SLC8B1: variants seen among roughly 807,000 people sequenced by gnomAD.
The protein encoded by SLC8B1 is mitochondrial sodium/calcium exchanger protein.
SLC8B1 carries 52 observed loss-of-function variants against 63.4 expected under a neutral mutation model. That is an observed-to-expected ratio of 0.82 (90% confidence interval 0.66 to 1.03). The LOEUF (loss-of-function observed/expected upper bound fraction) is 1.03. SLC8B1 is among the 50% of genes least tolerant of loss of function. The pLI is 0.00. For missense variants in SLC8B1, 657 were observed against 741.7 expected (o/e 0.89, Z 1.33); for synonymous variants, 336 against 323.9 (o/e 1.04, Z -0.40).
intron 2 of SLC8B1, among the ~76,000 whole-genome samples, chr12:113,324,320 C>A (rs2384141): frequency 0.23 from 32,316 of 141,858 alleles, 4,490 homozygotes; most frequent in African/African-American, 0.41. Flanking sequence ...CAAAAAAAAA[C>A]AAACAAACAA....
chr12:113,309,969 A>C (rs895658768), intron 12 of SLC8B1, among the ~76,000 whole-genome samples: 14 of 152,128 alleles, frequency 9.2e-5, no homozygotes, highest in African/African-American at 3.4e-4. Flanking sequence ...ACTATAATAA[A>C]AAACATTAAA....
chr12:113,327,024 G>T (rs892131836), intron 2 of SLC8B1, among the ~76,000 whole-genome samples: 1 of 152,140 alleles, frequency 6.6e-6, no homozygotes, highest in Non-Finnish European at 1.5e-5. Flanking sequence ...CAACAGTCAG[G>T]CTGGGCTCCT....
chr12:113,299,545 C>T lies in SLC8B1; in HGVS notation c.*232G>A. 1.8e-6 allele frequency: 1 copy of T among 541,692 alleles called. No individual in the cohort carries two copies. The highest frequency in any genetic ancestry group is 2.0e-5 in the South Asian group (1 of 49,520). 33.6% of individuals were successfully genotyped at this position (541,692 alleles called of 1,614,324 possible). A position where few individuals can be genotyped will look rare whatever the true frequency, so the allele number is the denominator to read the frequency against. On this transcript the variant is annotated 3_prime_UTR_variant, in exon 16 of 16. Transcript: ENST00000680972. ...CTAGCTTCTCTCTGGAACCCTTTGT[C>T]CAGAGCAAAGCCAGGTTTCCAAGGT...
chr12:113,310,210 T>C (rs1174739068), intron 12 of SLC8B1, 24 bp downstream of exon 12: 1 of 1,609,388 alleles, frequency 6.2e-7, no homozygotes, highest in African/African-American at 1.3e-5. Context: ...TCCCCCCCCA[T>C]CTCGGAGAAC....
chr12:113,312,452 T>C (rs1956777606), intron 11 of SLC8B1, among the ~76,000 whole-genome samples: 2 of 152,004 alleles, frequency 1.3e-5, no homozygotes, highest in African/African-American at 4.8e-5. Flanking sequence ...ATGGAGGTCT[T>C]TGAGTGGGGG....
chr12:113,320,784 C>A lies in SLC8B1; in HGVS notation c.420+66G>T. 6.3e-7 allele frequency: 1 copy of A among 1,576,602 alleles called. No individual in the cohort carries two copies. The highest frequency in any genetic ancestry group is 8.6e-7 in the Non-Finnish European group (1 of 1,160,714). ...CTTCCCCACACGGGGATAGACATGA[C>A]CCTATCTCCCAGCCTCCCCACAACT... On this transcript the variant is annotated intron_variant, in intron 5 of 15. Transcript: ENST00000680972. The surrounding 1 kb of genome is among the most constrained non-coding windows in gnomAD (Gnocchi z 5.3).
intron 2 of SLC8B1, among the ~76,000 whole-genome samples, chr12:113,323,947 C>A (rs981279841): frequency 1.3e-5 from 2 of 152,018 alleles, no homozygotes; most frequent in African/African-American, 4.8e-5. Context: ...AGACTGAAAC[C>A]CCCAGCCCTG....
At chr12:113,328,396 C>A (rs1957020991) in intron 2 of SLC8B1, among the ~76,000 whole-genome samples, 1 of 152,186 alleles carries the variant, frequency 6.6e-6, no homozygotes, top group East Asian at 1.9e-4. Context: ...GCACGGAGAA[C>A]AACTGCAGAG....
Position 113,299,611 on chromosome 12 carries a change from A to G in SLC8B1, c.*166T>C. ...GTTGGGTGCTGGCAGCAAGAGGTAC[A>G]CAGCAGTTCTCCCAGCTCACAGCAG... On this transcript the variant is annotated 3_prime_UTR_variant, in exon 16 of 16. Coordinates refer to ENST00000680972, the MANE Select transcript of SLC8B1 (RefSeq NM_001358345.2). 1 of 664,520 alleles carries G rather than the reference A, an allele frequency of 1.5e-6. No individual in the cohort carries two copies. The highest frequency in any genetic ancestry group is 1.8e-5 in the South Asian group (1 of 55,834). The allele number at this position is 664,520 out of a possible 1,614,324, so 41.2% of individuals were successfully genotyped here.
At chr12:113,300,889 A>G (rs1328369188) in intron 15 of SLC8B1, among the ~76,000 whole-genome samples, 2 of 152,216 alleles carry the variant, frequency 1.3e-5, no homozygotes, top group East Asian at 3.8e-4. Context: ...TAATCCCAAC[A>G]CTTTGGGAGG....
At chr12:113,316,078 G>A (rs1260006048) in intron 10 of SLC8B1, among the ~76,000 whole-genome samples, 2 of 152,098 alleles carry the variant, frequency 1.3e-5, no homozygotes, top group Non-Finnish European at 2.9e-5. Flanking sequence ...CAAAAAATTA[G>A]CCAGGCGTGG....
chr12:113,320,478 T>A lies in SLC8B1; in HGVS notation c.547A>T (p.Thr183Ser), dbSNP rs778243518. Residue 183 changes from threonine to serine, a missense_variant, in exon 7 of 16, where the codon ACA becomes TCA. Physicochemically the swap from Thr to Ser is moderately conservative, Grantham distance 58. Transcript: ENST00000680972. The surrounding 1 kb of genome is among the most constrained non-coding windows in gnomAD (Gnocchi z 5.3). ...ALFGAGVLVTTVVAGGITILH... is the reference protein window; with the variant it reads ...ALFGAGVLVTSVVAGGITILH... ...ATGGTAATGCCTCCGGCCACCACTG[T>A]GGTAACCAGCACGCCAGCGCCTGGG... The A allele has an allele frequency of 3.1e-6, 5 of 1,614,076 alleles. No individual in the cohort carries two copies. The East Asian group carries it at 1.1e-4, about 36-fold the overall frequency.
At chr12:113,309,704 T>A (rs978412992) in intron 12 of SLC8B1, among the ~76,000 whole-genome samples, 1 of 152,256 alleles carries the variant, frequency 6.6e-6, no homozygotes, top group Middle Eastern at 3.4e-3. Flanking sequence ...TGCAGTGAGC[T>A]ATGACTGTAC....
chr12:113,316,419 G>T (rs1172724459), intron 10 of SLC8B1, 107 bp downstream of exon 10: 1 of 1,379,656 alleles, frequency 7.2e-7, no homozygotes, highest in Non-Finnish European at 9.9e-7. Context: ...TTCTGAGAGG[G>T]TCTCAGTGGA....
At position 113,320,803 on chromosome 12, in the gene SLC8B1, C is replaced by T; in HGVS notation, c.420+47G>A. 6.3e-7 allele frequency: 1 copy of T among 1,583,878 alleles called. No individual in the cohort carries two copies. The highest frequency in any genetic ancestry group is 8.6e-7 in the Non-Finnish European group (1 of 1,165,936). On this transcript the variant is annotated intron_variant, in intron 5 of 15. Coordinates refer to ENST00000680972, the MANE Select transcript of SLC8B1 (RefSeq NM_001358345.2). This position sits in a 1 kb window ranked among gnomAD's most constrained non-coding sequence, Gnocchi z 5.3. ...ACATGACCCTATCTCCCAGCCTCCCCACAACTGCCCTCCCTCCAGGGTGCA... is the reference window on the plus strand; with the variant it reads ...ACATGACCCTATCTCCCAGCCTCCCTACAACTGCCCTCCCTCCAGGGTGCA...
chr12:113,306,695 G>A (rs1301805726), intron 13 of SLC8B1, 120 bp from the exon 14 acceptor site: 1 of 787,428 alleles, frequency 1.3e-6, no homozygotes, highest in South Asian at 1.6e-5. Context: ...ATGCCCAAGT[G>A]TGCCTGGGCA....
rs1017035082 is a variant in SLC8B1 at position 113,314,460 on chromosome 12, A to T, written c.1135+875T>A. 5.9e-5 allele frequency among the ~76,000 whole-genome samples: 9 copies of T among 152,378 alleles called. No homozygotes were observed. The South Asian group carries it at 1.4e-3, about 25-fold the overall frequency. Reference sequence around the variant, plus strand: ...ACAGCATGAGATACTAAAGTTAGACAACAGGAAGAAATCTGGGTAGCAGAA... The same window carrying T: ...ACAGCATGAGATACTAAAGTTAGACTACAGGAAGAAATCTGGGTAGCAGAA... On this transcript the variant is annotated intron_variant, in intron 11 of 15. Coordinates refer to ENST00000680972, the MANE Select transcript of SLC8B1 (RefSeq NM_001358345.2).
chr12:113,310,395 C>T lies in SLC8B1; in HGVS notation c.1136-40G>A, dbSNP rs376171001. On this transcript the variant is annotated intron_variant, in intron 11 of 15. Transcript: ENST00000680972. ...AAAGGGAGCTGATACCTTCCCAGCACCTCAACACCCACTTACAATGGACTA... is the reference window on the plus strand; with the variant it reads ...AAAGGGAGCTGATACCTTCCCAGCATCTCAACACCCACTTACAATGGACTA... 3.8e-6 allele frequency: 6 copies of T among 1,598,072 alleles called. No individual in the cohort carries two copies. The African/African-American group carries it at 8.1e-5, about 21-fold the overall frequency.
In SLC8B1 at chr12:113,317,028, C is replaced by A. The variant is rs377688074; in HGVS notation, c.803-27G>T. On this transcript the variant is annotated intron_variant, in intron 8 of 15. Transcript: ENST00000680972. Reference sequence around the variant, plus strand: ...TGCAGGAGAGAGGCCCAGTTACATACAGAACCCAGACCATTTTCGAGGGGG... The same window carrying A: ...TGCAGGAGAGAGGCCCAGTTACATAAAGAACCCAGACCATTTTCGAGGGGG... The A allele has an allele frequency of 2.5e-6, 4 of 1,606,102 alleles. No individual in the cohort carries two copies. The African/African-American group carries it at 5.3e-5, about 21-fold the overall frequency.
Sources: allele counts gnomAD v4.1 joint callset (sites outside exome capture counted in the v4.1 genomes callset), GRCh38; gene constraint gnomAD v4.1.1; non-coding constraint Gnocchi (gnomAD v3.1); transcripts MANE v1.5; gene names NCBI Gene and HGNC (gene_info 2026-07-23, HGNC 2026-07-21).